TBCK: variants seen among roughly 807,000 people sequenced by gnomAD.
The protein encoded by TBCK is TBC domain-containing protein kinase-like protein.
A neutral mutation model predicts 113.4 loss-of-function variants in TBCK; 99 were observed. The observed-to-expected ratio is 0.87, with a 90% CI of 0.74 to 1.03. The LOEUF is 1.03. Among genes scored for constraint, TBCK ranks in the 50% least tolerant of loss-of-function variants. The pLI is 0.00. For missense variants in TBCK, 1,045 were observed against 1,061.3 expected (o/e 0.98, Z 0.21); for synonymous variants, 369 against 370.8 (o/e 1.00, Z 0.05).
chr4:106,146,879 C>T (rs1489436807), intron 23 of TBCK, among the ~76,000 whole-genome samples: 3 of 152,224 alleles, frequency 2.0e-5, no homozygotes, highest in Non-Finnish European at 4.4e-5. Context: ...TCTCCATATT[C>T]ACTCCTCTCA....
At chr4:106,268,739 G>T (rs781267092) in intron 3 of TBCK, among the ~76,000 whole-genome samples, 3 of 152,068 alleles carry the variant, frequency 2.0e-5, no homozygotes, top group Non-Finnish European at 4.4e-5. Flanking sequence ...AGACTAAATT[G>T]TTGAGAGAGA....
intron 1 of TBCK, among the ~76,000 whole-genome samples, chr4:106,313,563 G>A (rs1383725861): frequency 6.6e-6 from 1 of 152,116 alleles, no homozygotes; most frequent in Non-Finnish European, 1.5e-5. Context: ...TATATTCCAG[G>A]GAAATAGGGG....
In TBCK at chr4:106,179,783, G is replaced by A. The variant is rs115374802; in HGVS notation, c.2060-8513C>T. On this transcript the variant is annotated intron_variant, in intron 22 of 25. Coordinates refer to ENST00000394708, the MANE Select transcript of TBCK (RefSeq NM_001163435.3). ...TGGTCTACAGTACAGTTTAACTCCAGTGTTTCTGTGTTGACTTTCTGTCTG... is the reference window on the plus strand; with the variant it reads ...TGGTCTACAGTACAGTTTAACTCCAATGTTTCTGTGTTGACTTTCTGTCTG... Among the ~76,000 whole-genome samples, 126 of 152,078 alleles carry A rather than the reference G, an allele frequency of 8.3e-4. No homozygotes were observed. The Middle Eastern group carries it at 0.01, about 12-fold the overall frequency.
intron 10 of TBCK, among the ~76,000 whole-genome samples, chr4:106,246,185 T>G (rs1220128992): frequency 6.6e-6 from 1 of 152,168 alleles, no homozygotes; most frequent in Non-Finnish European, 1.5e-5. Context: ...ATATTCATAT[T>G]GACCTTCATT....
Position 106,216,511 on chromosome 4 carries a change from G to A in TBCK, c.1775-3676C>T, listed in dbSNP as rs564557375. Among the ~76,000 whole-genome samples the A allele has an allele frequency of 4.1e-3, 620 of 151,662 alleles. 3 individuals carry two copies. The highest frequency in any genetic ancestry group is 0.013 in the African/African-American group (518 of 41,396). ...AAAAAGAGAGAAGAATCAAATAGAC[G>A]CAATAAAAAATGATAAAGGGGATAT... On this transcript the variant is annotated intron_variant, in intron 19 of 25. Transcript: ENST00000394708.
chr4:106,258,625 G>A (rs17274017), intron 5 of TBCK, among the ~76,000 whole-genome samples: 19,700 of 151,762 alleles, frequency 0.13, 1,614 homozygotes, highest in South Asian at 0.25. Context: ...TCCTTTCTTC[G>A]ATTCATCACT....
intron 25 of TBCK, among the ~76,000 whole-genome samples, chr4:106,094,688 G>T (rs1436779805): frequency 6.6e-6 from 1 of 152,056 alleles, no homozygotes; most frequent in Non-Finnish European, 1.5e-5. Context: ...CTGTGCCCTG[G>T]GAGGTTGAAG....
At chr4:106,117,805 G>A (rs371552051) in intron 23 of TBCK, among the ~76,000 whole-genome samples, 3 of 152,074 alleles carry the variant, frequency 2.0e-5, no homozygotes, top group African/African-American at 7.2e-5. Flanking sequence ...GTCAGGAAAT[G>A]GAGACCATCC....
intron 3 of TBCK, among the ~76,000 whole-genome samples, chr4:106,267,476 TTATAA>T (rs1208141706): frequency 2.0e-5 from 3 of 151,968 alleles, no homozygotes; most frequent in African/African-American, 7.2e-5. Context: ...AAACTGATAA[TTATAA>T]TATAAGCAAT....
chr4:106,070,998 A>G (rs1007286440), intron 25 of TBCK, among the ~76,000 whole-genome samples: 1 of 151,588 alleles, frequency 6.6e-6, no homozygotes, highest in Non-Finnish European at 1.5e-5. Context: ...TATCCCTTTT[A>G]TTAGTCTTGC....
chr4:106,137,955 C>G (rs1746759209), intron 23 of TBCK, among the ~76,000 whole-genome samples: 1 of 140,434 alleles, frequency 7.1e-6, no homozygotes, highest in African/African-American at 2.5e-5. Flanking sequence ...AAATGATGGG[C>G]AGGAGTAGAC....
At chr4:106,053,682 A>T (rs1735073037) in intron 25 of TBCK, among the ~76,000 whole-genome samples, 1 of 151,626 alleles carries the variant, frequency 6.6e-6, no homozygotes, top group Non-Finnish European at 1.5e-5. Context: ...TAAACTCATG[A>T]ATCTGCTTCC....
Position 106,247,181 on chromosome 4 carries a change from C to T in TBCK, c.889G>A (p.Ala297Thr). The change falls in exon 10 of 26, where the codon GCT (alanine) becomes ACT (threonine). Residue 297 changes from alanine (A) to threonine (T), a missense_variant. Physicochemically the swap from Ala to Thr is moderately conservative, Grantham distance 58 (BLOSUM62 0). Coordinates refer to ENST00000394708, the MANE Select transcript of TBCK (RefSeq NM_001163435.3). ...ASLFSSSLRCADLTLPEDISQ... is the reference protein window; with the variant it reads ...ASLFSSSLRCTDLTLPEDISQ... Reference sequence around the variant, plus strand: ...ATATCCTCAGGCAGAGTTAAATCAGCACATCTCAGAGAAGATGAAAACAGA... The same window carrying T: ...ATATCCTCAGGCAGAGTTAAATCAGTACATCTCAGAGAAGATGAAAACAGA... The T allele has an allele frequency of 6.2e-7, 1 of 1,613,458 alleles. No homozygotes were observed. The highest frequency in any genetic ancestry group is 1.3e-5 in the African/African-American group (1 of 75,022).
intron 25 of TBCK, among the ~76,000 whole-genome samples, chr4:106,051,703 G>T (rs1345673460): frequency 1.3e-5 from 2 of 151,820 alleles, no homozygotes; most frequent in Admixed American, 6.6e-5. Context: ...TAAGAGCTTG[G>T]CTAGACAAGG....
chr4:106,044,547 A>G lies in TBCK; in HGVS notation c.*2023T>C, dbSNP rs1271805288. On this transcript the variant is annotated 3_prime_UTR_variant, in exon 26 of 26. Transcript: ENST00000394708. ...AATGACCAAATAAATTGAATAAAAC[A>G]AACAAAACAGGAGGGGTCCTGGGAC... 6.6e-6 allele frequency: 1 copy of G among 152,218 alleles called. No homozygotes were observed. The highest frequency in any genetic ancestry group is 1.5e-5 in the Non-Finnish European group (1 of 68,038). 9.4% of individuals were successfully genotyped at this position (152,218 alleles called of 1,614,324 possible).
At chr4:106,115,144 AT>A (rs1743340898) in intron 24 of TBCK, among the ~76,000 whole-genome samples, 1 of 152,264 alleles carries the variant, frequency 6.6e-6, no homozygotes, top group African/African-American at 2.4e-5. Context: ...AAAAATTGGA[AT>A]TGAAAATATT....
At chr4:106,102,824 GAA>G in intron 24 of TBCK, among the ~76,000 whole-genome samples, 1 of 152,244 alleles carries the variant, frequency 6.6e-6, no homozygotes, top group East Asian at 1.9e-4. Flanking sequence ...AGGTGTTAGA[GAA>G]AGTTTCTTTT....
intron 11 of TBCK, among the ~76,000 whole-genome samples, chr4:106,243,107 C>T (rs1000096360): frequency 6.6e-6 from 1 of 152,052 alleles, no homozygotes; most frequent in African/African-American, 2.4e-5. Flanking sequence ...TAAACATATA[C>T]ATATGTGCCA....
At chr4:106,238,409 A>G (rs1759713852) in intron 12 of TBCK, among the ~76,000 whole-genome samples, 1 of 152,132 alleles carries the variant, frequency 6.6e-6, no homozygotes, top group Non-Finnish European at 1.5e-5. Flanking sequence ...AAATGCAGTG[A>G]TAACAGATAT....
Sources: allele counts gnomAD v4.1 joint callset (sites outside exome capture counted in the v4.1 genomes callset), GRCh38; gene constraint gnomAD v4.1.1; transcripts MANE v1.5; gene names NCBI Gene and HGNC (gene_info 2026-07-23, HGNC 2026-07-21).